LRPPRC: variants seen among roughly 807,000 people sequenced by gnomAD.
LRPPRC encodes leucine rich pentatricopeptide repeat containing.
LRPPRC carries 120 observed loss-of-function variants against 180.3 expected under a neutral mutation model. That is an observed-to-expected ratio of 0.67 (90% CI 0.57 to 0.77). The LOEUF is 0.77. Among genes scored for constraint, LRPPRC ranks in the 30% least tolerant of loss-of-function variants. The pLI is 0.00. For synonymous variants in LRPPRC, 723 were observed against 600.0 expected (o/e 1.21, Z -3.00); for missense variants, 2,012 against 1,657.2 (o/e 1.21, Z -3.72).
intron 23 of LRPPRC, among the ~76,000 whole-genome samples, chr2:43,936,984 G>C (rs992670709): frequency 3.9e-5 from 6 of 152,130 alleles, no homozygotes; most frequent in African/African-American, 1.4e-4. Context: ...CATTTTTTAA[G>C]AGCAAAGCTA....
chr2:43,957,509 A>G, intron 13 of LRPPRC, 58 bp from the exon 14 acceptor site: 1 of 1,232,972 alleles, frequency 8.1e-7, no homozygotes, highest in Non-Finnish European at 1.2e-6. Flanking sequence ...AAAACCCTGT[A>G]TTATCAAATT....
chr2:43,898,971 C>T (rs1228720566), intron 34 of LRPPRC, among the ~76,000 whole-genome samples: 3 of 152,140 alleles, frequency 2.0e-5, no homozygotes, highest in African/African-American at 4.8e-5. Flanking sequence ...ACCCCCGCAC[C>T]ACCCGCCGCT....
intron 29 of LRPPRC, 132 bp downstream of exon 29, chr2:43,917,893 G>A: frequency 1.5e-6 from 1 of 658,032 alleles, no homozygotes; most frequent in Non-Finnish European, 2.7e-6. Flanking sequence ...TATGGAAGGG[G>A]ACAAGAAATA....
intron 1 of LRPPRC, among the ~76,000 whole-genome samples, chr2:43,990,354 G>A (rs913673589): frequency 6.6e-6 from 1 of 152,030 alleles, no homozygotes; most frequent in East Asian, 1.9e-4. Context: ...GGATCTTTTC[G>A]TCAGTTCTTT....
intron 36 of LRPPRC, among the ~76,000 whole-genome samples, chr2:43,894,266 C>A (rs893806289): frequency 2.0e-5 from 3 of 152,104 alleles, no homozygotes; most frequent in African/African-American, 7.2e-5. Flanking sequence ...TTCCCAGGAG[C>A]CTGGGATTCT....
In LRPPRC at chr2:43,894,562, G is replaced by A. The variant is rs1246328999; in HGVS notation, c.3968C>T (p.Ser1323Phe). Reference sequence around the variant, plus strand: ...TATATTACCATAGCTTTTCATGAGGGAATTGTATGCTTCTTCCTTTTCATT... The same window carrying A: ...TATATTACCATAGCTTTTCATGAGGAAATTGTATGCTTCTTCCTTTTCATT... Reference protein sequence around the residue: ...ELNEKEEAYNSLMKSYVSEKD... With the variant: ...ELNEKEEAYNFLMKSYVSEKD... Residue 1323 changes from serine (S) to phenylalanine (F), a missense_variant, in exon 36 of 38, where the codon TCC (serine) becomes TTC (phenylalanine). Physicochemically the swap from Ser to Phe is radical, Grantham distance 155. Coordinates refer to ENST00000260665, the MANE Select transcript of LRPPRC (RefSeq NM_133259.4). 3.3e-6 allele frequency: 5 copies of A among 1,521,952 alleles called. No homozygotes were observed. The highest frequency in any genetic ancestry group is 4.6e-6 in the Non-Finnish European group (5 of 1,096,644). 94.3% of individuals were successfully genotyped at this position (1,521,952 alleles called of 1,614,324 possible).
intron 29 of LRPPRC, among the ~76,000 whole-genome samples, chr2:43,915,230 T>TCACA (rs1180144465): frequency 4.2e-5 from 2 of 47,404 alleles, no homozygotes; most frequent in Admixed American, 2.3e-4. Flanking sequence ...TCTCTCTCTC[T>TCACA]CTCACACACA....
At position 43,947,361 on chromosome 2, in the gene LRPPRC, G is replaced by A; in HGVS notation, c.1975C>T (p.Leu659Phe). The change falls in exon 20 of 38, where the codon CTT (leucine) becomes TTT (phenylalanine). Residue 659 changes from leucine to phenylalanine, a missense_variant. Coordinates refer to ENST00000260665, the MANE Select transcript of LRPPRC (RefSeq NM_133259.4). The stretch of plus-strand genomic sequence containing the variant: ...GTGGACTCCAATTCAGATGATGTAA[G>A]TTGCACAGTCTACAGAAAAGAAAAA... Reference protein sequence around the residue: ...KNLDFQKTVQLTSSELESTLE... With the variant: ...KNLDFQKTVQFTSSELESTLE... 2.6e-6 allele frequency: 4 copies of A among 1,546,756 alleles called. No homozygotes were observed. The East Asian group carries it at 6.8e-5, about 26-fold the overall frequency.
At chr2:43,889,981 C>G in intron 36 of LRPPRC, 105 bp from the exon 37 acceptor site, 1 of 764,818 alleles carries the variant, frequency 1.3e-6, no homozygotes, top group African/African-American at 1.7e-5. Context: ...TATCCCACGG[C>G]AAATGAACAC....
At chr2:43,888,788 C>A in intron 37 of LRPPRC, 132 bp from the exon 38 acceptor site, 1 of 656,874 alleles carries the variant, frequency 1.5e-6, no homozygotes, top group Admixed American at 2.3e-5. Context: ...GCCCCTCAAG[C>A]TTCAGTACTC....
chr2:43,889,391 GTAAT>G (rs1359201010), intron 37 of LRPPRC, among the ~76,000 whole-genome samples: 1 of 143,246 alleles, frequency 7.0e-6, no homozygotes, highest in Non-Finnish European at 1.5e-5. Flanking sequence ...AAATGAACAA[GTAAT>G]TACCACTGAC....
intron 1 of LRPPRC, among the ~76,000 whole-genome samples, chr2:43,993,074 A>G (rs190161637): frequency 1.3e-5 from 2 of 152,366 alleles, no homozygotes; most frequent in East Asian, 3.9e-4. Flanking sequence ...AAGAGAACCT[A>G]GAAAAATGGT....
intron 1 of LRPPRC, among the ~76,000 whole-genome samples, chr2:43,986,354 T>C (rs1047611263): frequency 7.2e-5 from 11 of 152,232 alleles, no homozygotes; most frequent in Middle Eastern, 3.4e-3. Context: ...GGTCTCAAAC[T>C]CCTGACCTCA....
At chr2:43,991,324 ACC>A (rs1674770108) in intron 1 of LRPPRC, among the ~76,000 whole-genome samples, 1 of 152,076 alleles carries the variant, frequency 6.6e-6, no homozygotes, top group South Asian at 2.1e-4. Flanking sequence ...GAACAATAGT[ACC>A]CAGCCGGACC....
chr2:43,923,712 T>G (rs1671778942), intron 27 of LRPPRC, among the ~76,000 whole-genome samples: 1 of 152,032 alleles, frequency 6.6e-6, no homozygotes, highest in South Asian at 2.1e-4. Flanking sequence ...GTTTTTTTTT[T>G]TTTTTTCTGA....
rs925976533 is a variant in LRPPRC, at chr2:43,989,035, T to G, written c.150-6601A>C. Among the ~76,000 whole-genome samples the G allele has an allele frequency of 5.1e-4, 77 of 152,226 alleles. 1 individual carries two copies. The highest frequency in any genetic ancestry group is 1.8e-3 in the African/African-American group (75 of 41,538). ...GACTACAGGTGCATGCCACCACAGC[T>G]GGCTAATTTCTTTTTTTCTAGAGAC... On this transcript the variant is annotated intron_variant, in intron 1 of 37. Transcript: ENST00000260665.
At chr2:43,979,798 T>A (rs770855056) in intron 3 of LRPPRC, 28 bp downstream of exon 3, 1 of 1,606,926 alleles carries the variant, frequency 6.2e-7, no homozygotes, top group South Asian at 1.1e-5. Context: ...ACACCTTTTA[T>A]ACACATCATA....
chr2:43,902,351 A>C (rs1338507638), intron 31 of LRPPRC: 1 of 152,214 alleles, frequency 6.6e-6, no homozygotes, highest in Admixed American at 6.5e-5. Context: ...TGGTAGACTG[A>C]GGAGTAGCCT....
intron 3 of LRPPRC, among the ~76,000 whole-genome samples, chr2:43,978,092 A>C (rs547387678): frequency 1.3e-5 from 2 of 152,272 alleles, no homozygotes; most frequent in East Asian, 3.9e-4. Context: ...CACTATGCTA[A>C]GTGTTCCACA....
Sources: gnomAD v4.1 joint callset for allele counts (sites outside exome capture counted in the v4.1 genomes callset) on GRCh38, gnomAD v4.1.1 for gene constraint, MANE v1.5 for transcripts, NCBI Gene and HGNC (gene_info 2026-07-23, HGNC 2026-07-21) for gene names.